TDRD5: variants seen among roughly 807,000 people sequenced by gnomAD.
The protein encoded by TDRD5 is tudor domain containing 5.
TDRD5 carries 41 observed loss-of-function variants against 120.6 expected under a neutral mutation model. The ratio of observed to expected loss-of-function variants is 0.34; its 90% CI spans 0.26 to 0.44. The LOEUF is 0.44. TDRD5 is among the 20% of genes least tolerant of loss of function. The pLI is 1.00. For missense variants in TDRD5, 1,006 were observed against 1,221.2 expected (o/e 0.82, Z 2.63); for synonymous variants, 430 against 433.7 (o/e 0.99, Z 0.11).
chr1:179,689,803 T>A (rs1681016646), intron 17 of TDRD5, among the ~76,000 whole-genome samples: 1 of 152,174 alleles, frequency 6.6e-6, no homozygotes, highest in Non-Finnish European at 1.5e-5. Context: ...AATCTCAGAC[T>A]GCTGTGCTAG....
Position 179,635,269 on chromosome 1 carries a change from T to C in TDRD5, c.1300-398T>C, listed in dbSNP as rs79701031. ...ATCCTGCTTTTGATTGGAAGACTAG[T>C]CTGAAATTTAACCTACTAAAGTTAC... On this transcript the variant is annotated intron_variant, in intron 8 of 17. Coordinates refer to ENST00000444136, the MANE Select transcript of TDRD5 (RefSeq NM_001199085.3). Among the ~76,000 whole-genome samples the C allele has an allele frequency of 1.8e-4, 28 of 152,316 alleles. No homozygotes were observed. In the East Asian group the frequency reaches 5.4e-3, roughly 29 times the overall value.
chr1:179,619,051 TC>T (rs1437581945), intron 5 of TDRD5, among the ~76,000 whole-genome samples: 1 of 152,156 alleles, frequency 6.6e-6, no homozygotes, highest in Non-Finnish European at 1.5e-5. Flanking sequence ...CATGTAGAGA[TC>T]CATGATTGAT....
At chr1:179,610,525 C>T (rs955281397) in intron 4 of TDRD5, among the ~76,000 whole-genome samples, 4 of 152,140 alleles carry the variant, frequency 2.6e-5, no homozygotes, top group African/African-American at 9.7e-5. Flanking sequence ...TGTTTCAACT[C>T]AGAGTGTGGT....
chr1:179,678,031 G>A (rs772837318), intron 17 of TDRD5, among the ~76,000 whole-genome samples: 9 of 152,042 alleles, frequency 5.9e-5, no homozygotes, highest in Non-Finnish European at 1.2e-4. Flanking sequence ...GTGGGGGCAG[G>A]GACAGGTGTG....
intron 17 of TDRD5, among the ~76,000 whole-genome samples, chr1:179,686,073 T>C (rs919634019): frequency 6.6e-4 from 100 of 152,280 alleles, no homozygotes; most frequent in African/African-American, 2.2e-3. Flanking sequence ...GAACTTCCAA[T>C]ACTATGTTGA....
At chr1:179,620,708 A>C (rs1244394405) in intron 5 of TDRD5, among the ~76,000 whole-genome samples, 1 of 152,074 alleles carries the variant, frequency 6.6e-6, no homozygotes, top group Non-Finnish European at 1.5e-5. Context: ...AAATGCTTGA[A>C]ACTGTGCTAT....
intron 16 of TDRD5, among the ~76,000 whole-genome samples, chr1:179,664,091 G>T (rs1679448668): frequency 6.6e-6 from 1 of 152,142 alleles, no homozygotes; most frequent in Non-Finnish European, 1.5e-5. Flanking sequence ...CTTAAGTCTA[G>T]AAGACTTGTT....
intron 1 of TDRD5, 63 bp from the exon 2 acceptor site, chr1:179,592,539 T>G (rs538739901): frequency 1.7e-5 from 23 of 1,315,924 alleles, no homozygotes; most frequent in African/African-American, 7.3e-5. Context: ...CCACTATTGG[T>G]TTTTTTTTAA....
chr1:179,659,095 G>A (rs1679150897), intron 14 of TDRD5, among the ~76,000 whole-genome samples: 1 of 152,068 alleles, frequency 6.6e-6, no homozygotes, highest in African/African-American at 2.4e-5. Context: ...TTCCAGTATA[G>A]TATGGTCTTA....
chr1:179,682,176 C>T (rs1174149872), intron 17 of TDRD5, among the ~76,000 whole-genome samples: 1 of 150,556 alleles, frequency 6.6e-6, no homozygotes, highest in Non-Finnish European at 1.5e-5. Context: ...AGGTCATATA[C>T]ATTCTTTGTC....
intron 7 of TDRD5, among the ~76,000 whole-genome samples, chr1:179,633,195 T>G (rs1677557585): frequency 6.6e-6 from 1 of 152,154 alleles, no homozygotes. Flanking sequence ...TTATATATAA[T>G]AATAATGTAC....
At position 179,652,857 on chromosome 1, in the gene TDRD5, G is replaced by A. The variant is rs150910326; in HGVS notation, c.2160+660G>A. Among the ~76,000 whole-genome samples the A allele has an allele frequency of 2.7e-3, 417 of 152,224 alleles. 3 individuals are homozygous for A. Among genetic ancestry groups the A allele is most frequent in the African/African-American group, 9.5e-3 (394 of 41,538 alleles). ...TATGACAGGTTGCAGTCAAAATGCA[G>A]TCCAAACTTTGTTTCATGCACAAAA... On this transcript the variant is annotated intron_variant, in intron 13 of 17. Coordinates refer to ENST00000444136, the MANE Select transcript of TDRD5 (RefSeq NM_001199085.3).
intron 4 of TDRD5, among the ~76,000 whole-genome samples, chr1:179,596,669 G>A (rs902843613): frequency 6.6e-5 from 10 of 152,146 alleles, no homozygotes; most frequent in African/African-American, 2.4e-4. Context: ...TTCTTGTTTA[G>A]TGTTAGTCCA....
intron 9 of TDRD5, 120 bp downstream of exon 9, chr1:179,636,007 T>C: frequency 1.4e-6 from 1 of 693,444 alleles, no homozygotes; most frequent in South Asian, 3.7e-5. Flanking sequence ...TTTATCAGTA[T>C]TTATTGTATA....
intron 17 of TDRD5, among the ~76,000 whole-genome samples, chr1:179,680,525 A>G (rs889111589): frequency 6.6e-6 from 1 of 152,088 alleles, no homozygotes; most frequent in African/African-American, 2.4e-5. Flanking sequence ...TTATTAATTT[A>G]CTCTTTATCC....
intron 16 of TDRD5, among the ~76,000 whole-genome samples, chr1:179,668,909 A>AT (rs903314957): frequency 6.6e-6 from 1 of 150,856 alleles, no homozygotes; most frequent in Non-Finnish European, 1.5e-5. Flanking sequence ...CGCCCAGCTA[A>AT]TTTTTTTTGT....
chr1:179,674,521 C>T (rs945204821), intron 17 of TDRD5, among the ~76,000 whole-genome samples: 2 of 152,018 alleles, frequency 1.3e-5, no homozygotes, highest in African/African-American at 4.8e-5. Flanking sequence ...TTGTTATGTC[C>T]TTTCCCGGTT....
intron 17 of TDRD5, among the ~76,000 whole-genome samples, chr1:179,675,966 A>G (rs916464676): frequency 4.6e-5 from 7 of 152,074 alleles, no homozygotes; most frequent in Admixed American, 2.6e-4. Flanking sequence ...CCCCACTGCT[A>G]TTGTGTTGCC....
intron 11 of TDRD5, among the ~76,000 whole-genome samples, chr1:179,645,380 C>T (rs1036761315): frequency 6.6e-5 from 10 of 152,074 alleles, no homozygotes; most frequent in East Asian, 1.9e-4. Flanking sequence ...CCACCGCGCC[C>T]GGCCATAAAC....
Sources: gnomAD v4.1 joint callset for allele counts (sites outside exome capture counted in the v4.1 genomes callset) on GRCh38, gnomAD v4.1.1 for gene constraint, MANE v1.5 for transcripts, NCBI Gene and HGNC (gene_info 2026-07-23, HGNC 2026-07-21) for gene names.